Variants in BLM observed in about 807,000 individuals in gnomAD.
BLM encodes the protein BLM RecQ like helicase.
Under a neutral mutation model 135.3 loss-of-function variants are expected in BLM, and 95 were observed. The observed-to-expected ratio is 0.70, with a 90% CI of 0.59 to 0.83. The LOEUF is 0.83. BLM is among the 40% of genes least tolerant of loss of function. The pLI is 0.00. For missense variants in BLM, 1,518 were observed against 1,663.9 expected, an observed-to-expected ratio of 0.91 and a Z score of 1.53; for synonymous variants, 520 against 589.2, an observed-to-expected ratio of 0.88 and a Z score of 1.70.
chr15:90,807,202 G>A (rs1897304552), intron 19 of BLM, among the ~76,000 whole-genome samples: 1 of 152,192 alleles, frequency 6.6e-6, no homozygotes, highest in African/African-American at 2.4e-5. Flanking sequence ...TGTTTTGAAG[G>A]TGGTGGTTTC....
chr15:90,730,403 G>A (rs968295534), intron 1 of BLM, among the ~76,000 whole-genome samples: 6 of 152,086 alleles, frequency 3.9e-5, no homozygotes, highest in African/African-American at 1.2e-4. Flanking sequence ...CTCTCTGTCA[G>A]GTTATAGAAG....
In BLM at chr15:90,765,350, C is replaced by T; in HGVS notation, c.2129C>T (p.Thr710Ile). ...QLPACVSPGV[T>I]VVISPLRSLI... ...CCTGCCTGTGTTTCTCCTGGGGTCA[C>T]TGTTGTCATTTCTCCCTTGAGATCA... Residue 710 changes from threonine (T) to isoleucine (I), a missense_variant, in exon 9 of 22, where the codon ACT becomes ATT. By Grantham distance (89) the Thr-to-Ile change is moderately conservative. This residue lies in a region of BLM where 626 missense variants were observed against 681.1 expected (regional missense o/e 0.92). Transcript: ENST00000355112. 6.2e-7 allele frequency: 1 copy of T among 1,613,976 alleles called. No homozygotes were observed. Among genetic ancestry groups the T allele is most frequent in the Non-Finnish European group, 8.5e-7 (1 of 1,179,884 alleles).
intron 12 of BLM, among the ~76,000 whole-genome samples, chr15:90,771,840 G>T (rs1459005546): frequency 6.6e-6 from 1 of 152,092 alleles, no homozygotes; most frequent in Non-Finnish European, 1.5e-5. Context: ...GTAAGTATAG[G>T]ATTTGTGATT....
rs1897539010 is a variant in BLM, at chr15:90,815,473, C to T, written c.*194C>T. 9 of 645,944 alleles carry T rather than the reference C, an allele frequency of 1.4e-5. No individual in the cohort carries two copies. The East Asian group carries it at 2.3e-4, about 17-fold the overall frequency. 40.0% of individuals were successfully genotyped at this position (645,944 alleles called of 1,614,324 possible). A position where few individuals can be genotyped will look rare whatever the true frequency, so the allele number is the denominator to read the frequency against. On this transcript the variant is annotated 3_prime_UTR_variant, in exon 22 of 22. Coordinates refer to ENST00000355112, the MANE Select transcript of BLM (RefSeq NM_000057.4). The surrounding 1 kb of genome is among the most constrained non-coding windows in gnomAD (Gnocchi z 4.6). ...TCTTTTGAATAAGCATGTTTTGCTG[C>T]CGCTGCAAGTGTTGTGGCCGTTGTT... is the stretch of plus-strand genomic sequence containing the variant.
intron 19 of BLM, chr15:90,808,866 A>G: frequency 1.9e-6 from 1 of 518,584 alleles, no homozygotes. Context: ...CACATGGCAC[A>G]GGTCCCACCC....
Position 90,773,378 on chromosome 15 carries a change from C to T in BLM, c.2555+3792C>T, listed in dbSNP as rs149196123. 4.7e-3 allele frequency among the ~76,000 whole-genome samples: 709 copies of T among 152,128 alleles called. 11 individuals carry two copies. The highest frequency in any genetic ancestry group is 0.029 in the East Asian group (152 of 5,186). ...GAGGTTGCAGTGATCCAAGATCATA[C>T]GACTGCACTCCAGCCTGGGTGATAG... is the stretch of plus-strand genomic sequence containing the variant. On this transcript the variant is annotated intron_variant, in intron 12 of 21. Transcript: ENST00000355112.
Position 90,769,151 on chromosome 15 carries a change from C to T in BLM, c.2326C>T (p.Leu776Phe), listed in dbSNP as rs1483824560. Residue 776 changes from leucine to phenylalanine, a missense_variant, in exon 11 of 22, where the codon CTC becomes TTC. Leu to Phe is a conservative substitution (Grantham distance 22). Coordinates refer to ENST00000355112, the MANE Select transcript of BLM (RefSeq NM_000057.4). ...GGCCTAGATCTGTGCAAGTAACAGA[C>T]TCATTTCTACTCTGGAGAATCTCTA... ...TPEKICASNR[L>F]ISTLENLYER... The T allele has an allele frequency of 6.2e-7, 1 of 1,612,498 alleles. No homozygotes were observed. The highest frequency in any genetic ancestry group is 8.5e-7 in the Non-Finnish European group (1 of 1,178,588).
intron 1 of BLM, among the ~76,000 whole-genome samples, chr15:90,729,939 G>A (rs984357431): frequency 1.3e-5 from 2 of 151,898 alleles, no homozygotes; most frequent in African/African-American, 4.8e-5. Context: ...TCCGCCTCCC[G>A]GGTTCAAGCG....
intron 15 of BLM, among the ~76,000 whole-genome samples, chr15:90,791,799 C>A (rs1384525462): frequency 1.3e-5 from 2 of 152,074 alleles, no homozygotes; most frequent in Non-Finnish European, 2.9e-5. Flanking sequence ...CTACCATGCC[C>A]AACTAATTTT....
chr15:90,765,185 C>A, intron 8 of BLM, 111 bp from the exon 9 acceptor site: 1 of 862,740 alleles, frequency 1.2e-6, no homozygotes, highest in South Asian at 1.3e-5. Context: ...TTGTTGGCAC[C>A]AGGGACAATA....
intron 20 of BLM, among the ~76,000 whole-genome samples, chr15:90,809,932 C>G (rs1420969904): frequency 6.6e-6 from 1 of 152,198 alleles, no homozygotes; most frequent in Non-Finnish European, 1.5e-5. Context: ...CCTCTGATAA[C>G]ATCACCACGT....
chr15:90,809,588 C>T (rs1211121230), intron 20 of BLM, among the ~76,000 whole-genome samples: 1 of 152,190 alleles, frequency 6.6e-6, no homozygotes, highest in African/African-American at 2.4e-5. Context: ...TGGTCTCTAG[C>T]AGGCCACCAA....
At chr15:90,778,567 C>G (rs999732380) in intron 12 of BLM, among the ~76,000 whole-genome samples, 3 of 152,230 alleles carry the variant, frequency 2.0e-5, no homozygotes, top group Non-Finnish European at 4.4e-5. Flanking sequence ...AACCACTAAT[C>G]TGCTTTCTAT....
In BLM at chr15:90,811,321, A is replaced by G. The variant is rs150631940; in HGVS notation, c.3991A>G (p.Arg1331Gly). Residue 1331 changes from arginine (R) to glycine (G), a missense_variant, in exon 21 of 22, where the codon AGA becomes GGA. Around this residue, in one of 5 missense-constraint regions of BLM, gnomAD observed 153 missense variants for 173.4 expected, o/e 0.88. Transcript: ENST00000355112. ...TTCCCACTACTTTGCAAGTAAAACC[A>G]GAAATGAAAGGAAGAGGAAAAAGAT... ...VSSHYFASKTRNERKRKKMPA... is the reference protein window; with the variant it reads ...VSSHYFASKTGNERKRKKMPA... The G allele has an allele frequency of 1.7e-5, 28 of 1,614,230 alleles. No homozygotes were observed. In the African/African-American group the frequency reaches 3.1e-4, roughly 18 times the overall value.
rs28385088 is a variant in BLM at position 90,792,982 on chromosome 15, C to A, written c.3020-1185C>A. ...CATGGCCAGGCATGGTGGCTCACAC[C>A]TGTAATCCCAGCACTTTGGGAGGCC... On this transcript the variant is annotated intron_variant, in intron 15 of 21. Coordinates refer to ENST00000355112, the MANE Select transcript of BLM (RefSeq NM_000057.4). 4.6e-3 allele frequency among the ~76,000 whole-genome samples: 683 copies of A among 149,964 alleles called. 10 individuals carry two copies. The highest frequency in any genetic ancestry group is 0.03 in the East Asian group (154 of 5,144).
chr15:90,758,248 G>A (rs1173077415), intron 5 of BLM, among the ~76,000 whole-genome samples: 2 of 152,066 alleles, frequency 1.3e-5, no homozygotes, highest in Non-Finnish European at 2.9e-5. Flanking sequence ...AGCACTTTGG[G>A]AGACCGAGGT....
chr15:90,754,769 T>C, intron 4 of BLM, 42 bp from the exon 5 acceptor site: 1 of 1,598,064 alleles, frequency 6.3e-7, no homozygotes, highest in South Asian at 1.1e-5. Flanking sequence ...TTATTGAGTC[T>C]AGCCTATAGT....
intron 14 of BLM, among the ~76,000 whole-genome samples, chr15:90,789,208 G>C (rs1345779126): frequency 6.6e-6 from 1 of 152,134 alleles, no homozygotes; most frequent in Non-Finnish European, 1.5e-5. Context: ...TCATGAGATA[G>C]AATAAAACTT....
chr15:90,723,850 T>G (rs1894835379), intron 1 of BLM, among the ~76,000 whole-genome samples: 1 of 152,170 alleles, frequency 6.6e-6, no homozygotes, highest in African/African-American at 2.4e-5. Context: ...CCCTCTTTGC[T>G]TCTATGAGTT....
Sources: gnomAD v4.1 joint callset for allele counts (sites outside exome capture counted in the v4.1 genomes callset) on GRCh38, gnomAD v4.1.1 for gene constraint, gnomAD v4.1.1 regional missense constraint, Gnocchi (gnomAD v3.1) non-coding constraint, MANE v1.5 for transcripts, NCBI Gene and HGNC (gene_info 2026-07-23, HGNC 2026-07-21) for gene names.